GLT1D1: variants seen among roughly 807,000 people sequenced by gnomAD.
GLT1D1 encodes glycosyltransferase 1 domain containing 1, also known as glycosyltransferase 1 domain-containing protein 1.
Under a neutral mutation model 28.7 loss-of-function variants are expected in GLT1D1, and 21 were observed. That is an observed-to-expected ratio of 0.73 (90% CI 0.52 to 1.05). GLT1D1 has a LOEUF of 1.05. GLT1D1 is among the 50% of genes least tolerant of loss of function. The pLI is 0.00. For synonymous variants in GLT1D1, 147 were observed against 124.8 expected, an observed-to-expected ratio of 1.18 and a Z score of -1.19; for missense variants, 343 against 330.6, an observed-to-expected ratio of 1.04 and a Z score of -0.29.
intron 7 of GLT1D1, among the ~76,000 whole-genome samples, chr12:128,976,778 C>T (rs1879803081): frequency 6.6e-6 from 1 of 152,282 alleles, no homozygotes; most frequent in Non-Finnish European, 1.5e-5. Flanking sequence ...GAGTTTTTTT[C>T]CCCTTCTGTT....
At chr12:128,914,462 T>C (rs1051665925) in intron 4 of GLT1D1, among the ~76,000 whole-genome samples, 8 of 152,180 alleles carry the variant, frequency 5.3e-5, no homozygotes, top group African/African-American at 1.4e-4. Context: ...TTCATGGGAC[T>C]TCAGTGACAC....
chr12:128,861,870 A>C (rs914137988), intron 1 of GLT1D1, among the ~76,000 whole-genome samples: 32 of 152,218 alleles, frequency 2.1e-4, no homozygotes, highest in African/African-American at 7.7e-4. Context: ...GAAGAAAAAA[A>C]AAGTATGAGG....
chr12:128,893,235 A>T (rs1413582654), intron 3 of GLT1D1, among the ~76,000 whole-genome samples: 1 of 152,118 alleles, frequency 6.6e-6, no homozygotes, highest in Non-Finnish European at 1.5e-5. Flanking sequence ...AAAGAGGGAG[A>T]CTCTGTCTCA....
chr12:128,958,607 G>C (rs1215578643), intron 7 of GLT1D1, among the ~76,000 whole-genome samples: 11 of 75,954 alleles, frequency 1.4e-4, no homozygotes, highest in Non-Finnish European at 2.4e-4. Context: ...AAAAAAAAAA[G>C]CTGGGAATGG....
At chr12:128,856,602 A>G (rs1956230953) in intron 1 of GLT1D1, among the ~76,000 whole-genome samples, 1 of 152,192 alleles carries the variant, frequency 6.6e-6, no homozygotes, top group African/African-American at 2.4e-5. Context: ...GTGAGAACAC[A>G]GGTCCTGAGC....
intron 4 of GLT1D1, among the ~76,000 whole-genome samples, chr12:128,941,119 G>A (rs1431227842): frequency 1.3e-5 from 2 of 152,132 alleles, no homozygotes; most frequent in African/African-American, 2.4e-5. Context: ...ACGTGGCATC[G>A]TGTTTTCCAA....
At chr12:128,969,035 C>G (rs1337649749) in intron 7 of GLT1D1, among the ~76,000 whole-genome samples, 1 of 151,944 alleles carries the variant, frequency 6.6e-6, no homozygotes, top group Non-Finnish European at 1.5e-5. Context: ...CTCCTCTCTC[C>G]CTCTGTCTTT....
chr12:128,860,492 G>C (rs1469601974), intron 1 of GLT1D1, among the ~76,000 whole-genome samples: 1 of 152,230 alleles, frequency 6.6e-6, no homozygotes, highest in Non-Finnish European at 1.5e-5. Flanking sequence ...TCTAAGATAT[G>C]TGGTTCACTG....
chr12:128,941,436 G>A (rs1429437189), intron 4 of GLT1D1, among the ~76,000 whole-genome samples: 3 of 152,102 alleles, frequency 2.0e-5, no homozygotes, highest in Non-Finnish European at 4.4e-5. Flanking sequence ...TTCTGGAAAC[G>A]ACTCTGTCTC....
At chr12:128,931,137 G>A (rs1388412290) in intron 4 of GLT1D1, among the ~76,000 whole-genome samples, 1 of 151,716 alleles carries the variant, frequency 6.6e-6, no homozygotes, top group African/African-American at 2.4e-5. Context: ...TAGTAGCCGG[G>A]ACTACAGGCA....
At chr12:128,965,134 T>C (rs1423572961) in intron 7 of GLT1D1, among the ~76,000 whole-genome samples, 1 of 152,218 alleles carries the variant, frequency 6.6e-6, no homozygotes, top group Non-Finnish European at 1.5e-5. Context: ...ACTAATCAGT[T>C]GACTTTGAGT....
chr12:128,876,093 CT>C, intron 2 of GLT1D1, 31 bp downstream of exon 2: 1 of 1,573,574 alleles, frequency 6.4e-7, no homozygotes, highest in South Asian at 1.2e-5. Flanking sequence ...AAGTAAAACA[CT>C]AGAAATTCTG....
intron 4 of GLT1D1, among the ~76,000 whole-genome samples, chr12:128,911,616 C>A (rs1351242723): frequency 2.0e-5 from 3 of 152,108 alleles, no homozygotes; most frequent in African/African-American, 4.8e-5. Flanking sequence ...TGAGAGAAAC[C>A]GTCCTTGGCA....
chr12:128,949,992 G>A (rs1387839588), intron 6 of GLT1D1, among the ~76,000 whole-genome samples: 4 of 152,224 alleles, frequency 2.6e-5, no homozygotes, highest in African/African-American at 9.6e-5. Flanking sequence ...GAAGTGGGAT[G>A]TGAAGGCATT....
intron 6 of GLT1D1, among the ~76,000 whole-genome samples, chr12:128,949,559 C>T (rs1460662922): frequency 1.3e-5 from 2 of 152,114 alleles, no homozygotes; most frequent in African/African-American, 2.4e-5. Context: ...TTTGCAGAAA[C>T]ACGTTTCTTA....
chr12:128,926,238 G>GT (rs1431250621), intron 4 of GLT1D1, 121 bp from the exon 7 acceptor site: 9 of 280,728 alleles, frequency 3.2e-5, no homozygotes, highest in Middle Eastern at 8.1e-4. Context: ...ATAATAATAA[G>GT]AGTAGGAGAA....
intron 1 of GLT1D1, among the ~76,000 whole-genome samples, chr12:128,859,983 T>C (rs571251645): frequency 2.0e-5 from 3 of 152,336 alleles, no homozygotes; most frequent in African/African-American, 7.2e-5. Context: ...GTATTGTCTG[T>C]GTGTCACGTT....
chr12:128,953,114 C>T (rs1424057457), intron 6 of GLT1D1, among the ~76,000 whole-genome samples: 1 of 152,060 alleles, frequency 6.6e-6, no homozygotes, highest in African/African-American at 2.4e-5. Flanking sequence ...GCTTATCGCC[C>T]CATTTATACC....
intron 1 of GLT1D1, among the ~76,000 whole-genome samples, chr12:128,871,632 G>A (rs545808938): frequency 5.9e-5 from 9 of 152,274 alleles, no homozygotes; most frequent in Non-Finnish European, 1.3e-4. Context: ...TGAACCTCAT[G>A]TTTCTCTGTG....
Sources: gnomAD v4.1 joint callset for allele counts (sites outside exome capture counted in the v4.1 genomes callset) on GRCh38, gnomAD v4.1.1 for gene constraint, MANE v1.5 for transcripts, NCBI Gene and HGNC (gene_info 2026-07-23, HGNC 2026-07-21) for gene names.